CYTH1: variants seen among roughly 807,000 people sequenced by gnomAD.
CYTH1 encodes cytohesin-1.
A neutral mutation model predicts 61.8 loss-of-function variants in CYTH1; 18 were observed. The ratio of observed to expected loss-of-function variants is 0.29; its 90% CI spans 0.20 to 0.43. The LOEUF (loss-of-function observed/expected upper bound fraction) is 0.43, where lower values mean the gene tolerates loss of function less well. Among genes scored for constraint, CYTH1 ranks in the 20% least tolerant of loss-of-function variants. The probability of loss-of-function intolerance (pLI) is 1.00; values close to 1 mark genes in which losing one functional copy is unlikely to be tolerated. For synonymous variants in CYTH1, 174 were observed against 184.3 expected (o/e 0.94, Z 0.45); for missense variants, 336 against 510.5 (o/e 0.66, Z 3.29).
chr17:78,691,231 A>T (rs1433962366), intron 11 of CYTH1: 2 of 152,272 alleles, frequency 1.3e-5, no homozygotes, highest in African/African-American at 4.8e-5. Context: ...TACTATCCTC[A>T]GTCACCAAAC....
rs1252854165 is a variant in CYTH1 at position 78,782,245 on chromosome 17, G to A, written c.-22C>T. ...CCATGGTGCGGGAGCCGGGCTCCGCGCTCCGGCTCGCCGCTCGCGTCCCGC... is the reference window on the plus strand; with the variant it reads ...CCATGGTGCGGGAGCCGGGCTCCGCACTCCGGCTCGCCGCTCGCGTCCCGC... On this transcript the variant is annotated 5_prime_UTR_variant, in exon 1 of 14. Coordinates refer to ENST00000446868, the MANE Select transcript of CYTH1 (RefSeq NM_004762.6). 4.7e-6 allele frequency: 6 copies of A among 1,289,454 alleles called. No individual in the cohort carries two copies. The highest frequency in any genetic ancestry group is 2.9e-4 in the Middle Eastern group (1 of 3,442). The allele number at this position is 1,289,454 out of a possible 1,614,324, so 79.9% of individuals were successfully genotyped here.
intron 2 of CYTH1, 153 bp downstream of exon 2, chr17:78,709,497 G>T: frequency 1.5e-6 from 1 of 685,592 alleles, no homozygotes; most frequent in South Asian, 1.9e-5. Context: ...GAGGAAAGGT[G>T]ACTGATTATC....
intron 11 of CYTH1, among the ~76,000 whole-genome samples, chr17:78,681,628 G>A (rs528885829): frequency 6.6e-6 from 1 of 152,292 alleles, no homozygotes; most frequent in East Asian, 1.9e-4. Context: ...CTCATCTACA[G>A]AGGGCACGGC....
At chr17:78,730,730 T>A (rs924263681) in intron 1 of CYTH1, among the ~76,000 whole-genome samples, 56 of 151,740 alleles carry the variant, frequency 3.7e-4, no homozygotes, top group Non-Finnish European at 1.3e-4. Flanking sequence ...AGTGGTGCAA[T>A]CTCAGCTCAC....
intron 1 of CYTH1, among the ~76,000 whole-genome samples, chr17:78,718,605 C>T (rs1365740295): frequency 6.6e-6 from 1 of 152,220 alleles, no homozygotes; most frequent in African/African-American, 2.4e-5. Flanking sequence ...CTCTGCACTA[C>T]CCTATGGGTG....
chr17:78,765,072 G>A (rs1292709983), intron 1 of CYTH1, among the ~76,000 whole-genome samples: 1 of 152,170 alleles, frequency 6.6e-6, no homozygotes, highest in African/African-American at 2.4e-5. Flanking sequence ...CCCTAGCACA[G>A]TGAATAGCTG....
intron 1 of CYTH1, among the ~76,000 whole-genome samples, chr17:78,732,691 G>A (rs956687810): frequency 6.6e-6 from 1 of 152,128 alleles, no homozygotes; most frequent in African/African-American, 2.4e-5. Flanking sequence ...ATATCTAGGG[G>A]GATATGAATT....
chr17:78,713,205 T>G (rs1009296740), intron 1 of CYTH1, among the ~76,000 whole-genome samples: 2 of 152,044 alleles, frequency 1.3e-5, no homozygotes, highest in Non-Finnish European at 2.9e-5. Flanking sequence ...CGTACACCGT[T>G]CTACAGAAAC....
chr17:78,738,691 T>C (rs1261943124), intron 1 of CYTH1, among the ~76,000 whole-genome samples: 2 of 152,178 alleles, frequency 1.3e-5, no homozygotes, highest in Non-Finnish European at 2.9e-5. Context: ...ACCTTTTGGT[T>C]TAGTATGTCA....
chr17:78,738,494 T>C (rs1485668020), intron 1 of CYTH1, among the ~76,000 whole-genome samples: 1 of 152,096 alleles, frequency 6.6e-6, no homozygotes, highest in Non-Finnish European at 1.5e-5. Flanking sequence ...AACACACACA[T>C]CTACAGCAAG....
At chr17:78,750,713 T>A (rs1440156909) in intron 1 of CYTH1, among the ~76,000 whole-genome samples, 1 of 150,026 alleles carries the variant, frequency 6.7e-6, no homozygotes, top group Admixed American at 6.7e-5. Context: ...AGGCAGGGAG[T>A]ATTGCTTGAA....
At chr17:78,734,464 A>G (rs2093311257) in intron 1 of CYTH1, among the ~76,000 whole-genome samples, 1 of 123,586 alleles carries the variant, frequency 8.1e-6, no homozygotes, top group African/African-American at 3.1e-5. Context: ...TTTTAGAGAC[A>G]AAGTCTCACT....
chr17:78,699,118 G>C, intron 7 of CYTH1, 150 bp from the exon 8 acceptor site: 1 of 940,138 alleles, frequency 1.1e-6, no homozygotes, highest in Non-Finnish European at 1.6e-6. Flanking sequence ...TGTAATCCCT[G>C]CACTTTGGGA....
chr17:78,680,426 C>T, intron 12 of CYTH1, 82 bp from the exon 13 acceptor site: 2 of 1,444,740 alleles, frequency 1.4e-6, no homozygotes, highest in South Asian at 1.4e-5. Flanking sequence ...TCCCCAAAAC[C>T]CCTTTCTTCT....
chr17:78,734,880 G>A (rs1233976879), intron 1 of CYTH1, among the ~76,000 whole-genome samples: 1 of 152,186 alleles, frequency 6.6e-6, no homozygotes, highest in Non-Finnish European at 1.5e-5. Context: ...CTAGTTAAAA[G>A]CAGCTCTATG....
intron 1 of CYTH1, among the ~76,000 whole-genome samples, chr17:78,771,519 T>A (rs1043806837): frequency 5.9e-5 from 9 of 151,918 alleles, no homozygotes; most frequent in African/African-American, 1.9e-4. Context: ...GATCACAAGG[T>A]CAGGAGATAG....
chr17:78,761,581 A>G (rs1184214862), intron 1 of CYTH1, among the ~76,000 whole-genome samples: 1 of 152,130 alleles, frequency 6.6e-6, no homozygotes, highest in Non-Finnish European at 1.5e-5. Context: ...TACTAAAAAC[A>G]CAAAAAATCA....
intron 11 of CYTH1, among the ~76,000 whole-genome samples, chr17:78,689,550 C>A (rs2092854557): frequency 6.6e-6 from 1 of 152,116 alleles, no homozygotes; most frequent in Admixed American, 6.5e-5. Flanking sequence ...GCTGTAAATA[C>A]AGATGAAGCT....
At chr17:78,733,938 T>G (rs535841103) in intron 1 of CYTH1, among the ~76,000 whole-genome samples, 10 of 152,330 alleles carry the variant, frequency 6.6e-5, no homozygotes, top group South Asian at 6.2e-4. Context: ...CCCAAAGAGA[T>G]GCCAAAGAGA....
Sources: allele counts gnomAD v4.1 joint callset (sites outside exome capture counted in the v4.1 genomes callset), GRCh38; gene constraint gnomAD v4.1.1; transcripts MANE v1.5; gene names NCBI Gene and HGNC (gene_info 2026-07-23, HGNC 2026-07-21).